Variants in THRB observed in about 807,000 individuals in gnomAD.
THRB encodes the protein nuclear receptor subfamily 1 group A member 2.
THRB carries 12 observed loss-of-function variants against 47.8 expected under a neutral mutation model. The ratio of observed to expected loss-of-function variants is 0.25; its 90% confidence interval spans 0.16 to 0.41. The LOEUF (loss-of-function observed/expected upper bound fraction) is 0.41, where lower values mean the gene tolerates loss of function less well. THRB is among the 10% of genes least tolerant of loss of function. THRB has a pLI of 1.00. For missense variants in THRB, 348 were observed against 589.2 expected (o/e 0.59, Z 4.24); for synonymous variants, 218 against 212.2 (o/e 1.03, Z -0.24).
At chr3:24,479,442 G>A (rs1019461156) in intron 1 of THRB, among the ~76,000 whole-genome samples, 1 of 152,184 alleles carries the variant, frequency 6.6e-6, no homozygotes. Context: ...AGGGGAACAC[G>A]GGGGCATGGT....
chr3:24,428,887 CAA>C (rs61288447), intron 1 of THRB, among the ~76,000 whole-genome samples: 132,048 of 146,072 alleles, frequency 0.9, 60,045 homozygotes, highest in Non-Finnish European at 0.97. Flanking sequence ...GAAGGTAAGC[CAA>C]AAAAAAAAAA....
rs151088155 is a variant in THRB at position 24,118,851 on chromosome 3, C to G, written c.*4033G>C. 1 of 152,552 alleles carries G rather than the reference C, an allele frequency of 6.6e-6. No homozygotes were observed. The highest frequency in any genetic ancestry group is 1.9e-4 in the East Asian group (1 of 5,202). The allele number at this position is 152,552 out of a possible 1,614,324, so 9.4% of individuals were successfully genotyped here. ...AGCGTTTTACCTGCACAATATTGCT[C>G]TTGAAGGCGGCATTAATTAATGTGG... On this transcript the variant is annotated 3_prime_UTR_variant, in exon 11 of 11. Coordinates refer to ENST00000646209, the MANE Select transcript of THRB (RefSeq NM_001354712.2).
At chr3:24,248,861 A>G (rs9880595) in intron 3 of THRB, among the ~76,000 whole-genome samples, 10,107 of 151,584 alleles carry the variant, frequency 0.067, 748 homozygotes, top group African/African-American at 0.18. Context: ...TTGTTTCCCA[A>G]CTCTGAGGGT....
intron 5 of THRB, among the ~76,000 whole-genome samples, chr3:24,157,033 G>C (rs924324303): frequency 6.6e-6 from 1 of 152,114 alleles, no homozygotes; most frequent in Admixed American, 6.5e-5. Flanking sequence ...TCATCCATTT[G>C]TTTATTTAAC....
chr3:24,482,480 C>A (rs959700575), intron 1 of THRB, among the ~76,000 whole-genome samples: 1 of 150,824 alleles, frequency 6.6e-6, no homozygotes, highest in Non-Finnish European at 1.5e-5. Context: ...AACACCACTT[C>A]CTGATTCATT....
intron 4 of THRB, among the ~76,000 whole-genome samples, chr3:24,198,258 T>G (rs957021522): frequency 9.9e-5 from 15 of 152,176 alleles, no homozygotes; most frequent in African/African-American, 3.1e-4. Context: ...AAAAGTTAAA[T>G]TGTTGGCTGT....
intron 3 of THRB, among the ~76,000 whole-genome samples, chr3:24,296,384 C>T (rs1401517960): frequency 6.6e-6 from 1 of 152,192 alleles, no homozygotes; most frequent in Non-Finnish European, 1.5e-5. Context: ...GCTTGACTTC[C>T]CAAAGCTCCT....
At chr3:24,419,851 G>T (rs993145206) in intron 1 of THRB, among the ~76,000 whole-genome samples, 2 of 151,722 alleles carry the variant, frequency 1.3e-5, no homozygotes, top group African/African-American at 4.8e-5. Context: ...TTTCTGCAGA[G>T]GTAGAAAATT....
chr3:24,376,020 A>G (rs1447293573), intron 1 of THRB, among the ~76,000 whole-genome samples: 2 of 152,178 alleles, frequency 1.3e-5, no homozygotes, highest in African/African-American at 4.8e-5. Context: ...TCTAGAGGCC[A>G]AAACTTGTCC....
intron 3 of THRB, among the ~76,000 whole-genome samples, chr3:24,249,500 T>C (rs1412768069): frequency 6.6e-6 from 1 of 152,160 alleles, no homozygotes; most frequent in African/African-American, 2.4e-5. Flanking sequence ...GAAAACTTGT[T>C]CCTTCTACTT....
At chr3:24,151,365 C>T (rs939004328) in intron 6 of THRB, among the ~76,000 whole-genome samples, 6 of 151,906 alleles carry the variant, frequency 3.9e-5, no homozygotes, top group East Asian at 3.8e-4. Context: ...ATGAACAAAG[C>T]GGGGCAGTTG....
At chr3:24,329,559 A>G (rs1337609861) in intron 2 of THRB, among the ~76,000 whole-genome samples, 1 of 152,224 alleles carries the variant, frequency 6.6e-6, no homozygotes, top group African/African-American at 2.4e-5. Context: ...TGACTGCCAC[A>G]TCTGGCTAAG....
chr3:24,494,857 C>G (rs1243183163), upstream of THRB: 1 of 152,358 alleles, frequency 6.6e-6, no homozygotes, highest in South Asian at 2.1e-4. Context: ...GTGCGCCTTC[C>G]TTGGCCAAGC....
chr3:24,359,557 G>C (rs543316331), intron 1 of THRB, among the ~76,000 whole-genome samples: 1 of 152,202 alleles, frequency 6.6e-6, no homozygotes, highest in South Asian at 2.1e-4. Context: ...AAGAATTTGT[G>C]ACCATGTTTA....
At chr3:24,375,332 T>A (rs1419618117) in intron 1 of THRB, among the ~76,000 whole-genome samples, 1 of 144,470 alleles carries the variant, frequency 6.9e-6, no homozygotes, top group Non-Finnish European at 1.5e-5. Flanking sequence ...TAGACATATA[T>A]TATTATATTT....
intron 1 of THRB, among the ~76,000 whole-genome samples, chr3:24,459,649 C>T (rs1335165763): frequency 6.6e-6 from 1 of 152,232 alleles, no homozygotes; most frequent in South Asian, 2.1e-4. Flanking sequence ...TTTTAATGAT[C>T]GTCATTCTAG....
At chr3:24,418,540 T>C (rs1009822667) in intron 1 of THRB, among the ~76,000 whole-genome samples, 2 of 151,878 alleles carry the variant, frequency 1.3e-5, no homozygotes, top group African/African-American at 4.8e-5. Context: ...TTAAAAAATA[T>C]AATTTTTCTT....
chr3:24,334,225 G>A (rs192164532), intron 2 of THRB, among the ~76,000 whole-genome samples: 110 of 151,972 alleles, frequency 7.2e-4, no homozygotes, highest in African/African-American at 2.6e-3. Flanking sequence ...GTTCTTGCCC[G>A]TTGAAAGCAA....
chr3:24,200,071 C>T (rs1035786270), intron 4 of THRB, among the ~76,000 whole-genome samples: 1 of 152,178 alleles, frequency 6.6e-6, no homozygotes, highest in Non-Finnish European at 1.5e-5. Context: ...GAGGTAATTA[C>T]TCTAAAGGCC....
Sources: allele counts gnomAD v4.1 joint callset (sites outside exome capture counted in the v4.1 genomes callset), GRCh38; gene constraint gnomAD v4.1.1; transcripts MANE v1.5; gene names NCBI Gene and HGNC (gene_info 2026-07-23, HGNC 2026-07-21).